The following LRP10 variants were observed in gnomAD, a reference collection of about 807,000 sequenced individuals.
The protein encoded by LRP10 is LDL receptor related protein 10.
LRP10 carries 42 observed loss-of-function variants against 58.5 expected under a neutral mutation model. The ratio of observed to expected loss-of-function variants is 0.72; its 90% CI spans 0.56 to 0.93. The LOEUF (loss-of-function observed/expected upper bound fraction) is 0.93, where lower values mean the gene tolerates loss of function less well. Ranked by LOEUF, LRP10 falls within the 40% of genes least tolerant of loss-of-function variation. The pLI is 0.00. For missense variants in LRP10, 872 were observed against 940.1 expected (o/e 0.93, Z 0.95); for synonymous variants, 377 against 388.5 (o/e 0.97, Z 0.35).
At chr14:22,874,755 C>T (rs113324584) in intron 3 of LRP10, among the ~76,000 whole-genome samples, 6,605 of 152,170 alleles carry the variant, frequency 0.043, 218 homozygotes, top group Non-Finnish European at 0.069. Flanking sequence ...GGTGTGGTGG[C>T]GGGCACCTGT....
At chr14:22,873,688 C>T (rs546691618) in intron 3 of LRP10, among the ~76,000 whole-genome samples, 3 of 152,226 alleles carry the variant, frequency 2.0e-5, no homozygotes, top group Admixed American at 6.5e-5. Flanking sequence ...CCATGCCCAG[C>T]TAACTTTTTT....
At chr14:22,873,115 G>A in intron 2 of LRP10, 196 bp from the exon 3 acceptor site, 1 of 647,434 alleles carries the variant, frequency 1.5e-6, no homozygotes, top group Non-Finnish European at 2.6e-6. Flanking sequence ...GTATTTACTG[G>A]TGAAGCTATG....
At position 22,876,113 on chromosome 14, in the gene LRP10, G is replaced by A. The variant is rs754181235; in HGVS notation, c.1165G>A (p.Asp389Asn). ...DRCNYQTFCA[D>N]GADERRCRHC... ...CTGCAACTACCAGACTTTCTGTGCT[G>A]ATGGAGCAGATGAGAGACGCTGTCG... The change falls in exon 5 of 7, where the codon GAT becomes AAT. Residue 389 changes from aspartate to asparagine, a missense_variant. Physicochemically the swap from Asp to Asn is conservative, Grantham distance 23. Coordinates refer to ENST00000359591, the MANE Select transcript of LRP10 (RefSeq NM_014045.5). The A allele has an allele frequency of 1.7e-4, 279 of 1,614,092 alleles. No homozygotes were observed. The highest frequency in any genetic ancestry group is 2.2e-4 in the Non-Finnish European group (254 of 1,180,058).
Position 22,878,852 on chromosome 14 carries a change from G to A in LRP10, c.*1325G>A, listed in dbSNP as rs1388902768. The A allele has an allele frequency of 4.3e-5, 10 of 232,302 alleles. No individual in the cohort carries two copies. The East Asian group carries it at 9.3e-4, about 22-fold the overall frequency. The allele number at this position is 232,302 out of a possible 1,614,324, so 14.4% of individuals were successfully genotyped here. ...GGGTGATGGAGGGAATGATTCGCAA[G>A]CAGTGTTGGAACCCAGCCCCTAGTG... On this transcript the variant is annotated 3_prime_UTR_variant, in exon 7 of 7. Coordinates refer to ENST00000359591, the MANE Select transcript of LRP10 (RefSeq NM_014045.5).
At chr14:22,872,629 T>G (rs1566491302) in intron 1 of LRP10, 109 bp from the exon 2 acceptor site, 4 of 1,103,362 alleles carry the variant, frequency 3.6e-6, no homozygotes, top group Non-Finnish European at 2.7e-6. Context: ...CACTCCCTCT[T>G]CCGATTAACT....
intron 3 of LRP10, among the ~76,000 whole-genome samples, 171 bp downstream of exon 3, chr14:22,873,617 C>T (rs564952555): frequency 6.6e-6 from 1 of 151,978 alleles, no homozygotes; most frequent in Non-Finnish European, 1.5e-5. Context: ...CACCACCTCC[C>T]GGGTTCAAGT....
chr14:22,875,091 C>T lies in LRP10; in HGVS notation c.252C>T (p.Arg84=). 1 of 1,607,138 alleles carries T rather than the reference C, an allele frequency of 6.2e-7. No homozygotes were observed. Among genetic ancestry groups the T allele is most frequent in the Non-Finnish European group, 8.5e-7 (1 of 1,176,478 alleles). ...TACACCTGGCCTGTGGCTCAGAGCGCTTAACCCTACGCTCCCCTCTCCAGC... is the reference window on the plus strand; with the variant it reads ...TACACCTGGCCTGTGGCTCAGAGCGTTTAACCCTACGCTCCCCTCTCCAGC... ...QKLHLACGSE[R]LTLRSPLQPL... The change falls in exon 4 of 7, where the codon CGC becomes CGT. Residue 84 remains arginine (R), a synonymous_variant. Coordinates refer to ENST00000359591, the MANE Select transcript of LRP10 (RefSeq NM_014045.5).
At position 22,872,230 on chromosome 14, in the gene LRP10, G is replaced by A. The variant is rs369797465; in HGVS notation, c.-74G>A. On this transcript the variant is annotated 5_prime_UTR_variant, in exon 1 of 7. Coordinates refer to ENST00000359591, the MANE Select transcript of LRP10 (RefSeq NM_014045.5). The stretch of plus-strand genomic sequence containing the variant: ...GCGGCACCAGGGAGCCTGGGCGCCC[G>A]GGGCTCCGCCGCGACCCCATCGGGT... 1.9e-6 allele frequency: 3 copies of A among 1,546,322 alleles called. No individual in the cohort carries two copies. The highest frequency in any genetic ancestry group is 1.4e-5 in the African/African-American group (1 of 73,620).
rs995656534 is a variant in LRP10, at chr14:22,872,253, G to A, written c.-51G>A. The A allele has an allele frequency of 1.2e-6, 2 of 1,607,692 alleles. No homozygotes were observed. Among genetic ancestry groups the A allele is most frequent in the Non-Finnish European group, 1.7e-6 (2 of 1,174,446 alleles). ...CCGGGGCTCCGCCGCGACCCCATCG[G>A]GTAGACCACAGAAGCTCCGGGACCC... On this transcript the variant is annotated 5_prime_UTR_variant, in exon 1 of 7. Coordinates refer to ENST00000359591, the MANE Select transcript of LRP10 (RefSeq NM_014045.5).
In LRP10 at chr14:22,875,071, C is replaced by G. The variant is rs1459558791; in HGVS notation, c.232C>G (p.Leu78Val). 6.3e-7 allele frequency: 1 copy of G among 1,583,578 alleles called. No individual in the cohort carries two copies. Among genetic ancestry groups the G allele is most frequent in the Non-Finnish European group, 8.6e-7 (1 of 1,163,906 alleles). ...CTCCCATAGGTTCCAGAAGCTACAC[C>G]TGGCCTGTGGCTCAGAGCGCTTAAC... ...TVTIRFQKLH[L>V]ACGSERLTLR... The change falls in exon 4 of 7, where the codon CTG (leucine) becomes GTG (valine). Residue 78 changes from leucine to valine, a missense_variant. By Grantham distance (32) the Leu-to-Val change is conservative (BLOSUM62 1). Coordinates refer to ENST00000359591, the MANE Select transcript of LRP10 (RefSeq NM_014045.5).
chr14:22,881,077 G>C lies in LRP10; in HGVS notation c.*3550G>C, dbSNP rs2040056751. On this transcript the variant is annotated 3_prime_UTR_variant, in exon 7 of 7. Transcript: ENST00000359591. ...TGAAGTGAACCCACACAACAGGGCT[G>C]GGCCATGGGCATCATAAACCCCATT... is the stretch of plus-strand genomic sequence containing the variant. 1 of 152,228 alleles carries C rather than the reference G, an allele frequency of 6.6e-6. No individual in the cohort carries two copies. Among genetic ancestry groups the C allele is most frequent in the Non-Finnish European group, 1.5e-5 (1 of 68,052 alleles). The allele number at this position is 152,228 out of a possible 1,614,324, so 9.4% of individuals were successfully genotyped here. A position where few individuals can be genotyped will look rare whatever the true frequency, so the allele number is the denominator to read the frequency against.
chr14:22,878,641 G>A lies in LRP10; in HGVS notation c.*1114G>A, dbSNP rs1258041248. On this transcript the variant is annotated 3_prime_UTR_variant, in exon 7 of 7. Coordinates refer to ENST00000359591, the MANE Select transcript of LRP10 (RefSeq NM_014045.5). Reference sequence around the variant, plus strand: ...GCATCACCATGGCCAAATCCAAGAGGTCTTCCTGGAAGAGGGCCCAAACTG... The same window carrying A: ...GCATCACCATGGCCAAATCCAAGAGATCTTCCTGGAAGAGGGCCCAAACTG... 1 of 155,234 alleles carries A rather than the reference G, an allele frequency of 6.4e-6. No individual in the cohort carries two copies. Among genetic ancestry groups the A allele is most frequent in the Non-Finnish European group, 1.4e-5 (1 of 69,772 alleles). The allele number at this position is 155,234 out of a possible 1,614,324, so 9.6% of individuals were successfully genotyped here. A position where few individuals can be genotyped will look rare whatever the true frequency, so the allele number is the denominator to read the frequency against.
Position 22,877,653 on chromosome 14 carries a change from G to T in LRP10, c.*126G>T, listed in dbSNP as rs979425589. 24 of 708,410 alleles carry T rather than the reference G, an allele frequency of 3.4e-5. No homozygotes were observed. The South Asian group carries it at 4.3e-4, about 13-fold the overall frequency. The allele number at this position is 708,410 out of a possible 1,614,324, so 43.9% of individuals were successfully genotyped here. Reference sequence around the variant, plus strand: ...CCTGTCCCTGGATTTCAGGGACTTGGTGGGCCTCCCGTTGACCCTATGTAG... The same window carrying T: ...CCTGTCCCTGGATTTCAGGGACTTGTTGGGCCTCCCGTTGACCCTATGTAG... On this transcript the variant is annotated 3_prime_UTR_variant, in exon 7 of 7. Coordinates refer to ENST00000359591, the MANE Select transcript of LRP10 (RefSeq NM_014045.5). This position sits in a 1 kb window ranked among gnomAD's most constrained non-coding sequence, Gnocchi z 5.1.
intron 3 of LRP10, 77 bp from the exon 4 acceptor site, chr14:22,874,978 G>T: frequency 1.9e-6 from 2 of 1,057,958 alleles, no homozygotes; most frequent in Non-Finnish European, 2.6e-6. Context: ...GACACAAGGG[G>T]CCTGGTGGCA....
chr14:22,872,834 T>TC, intron 2 of LRP10, 52 bp downstream of exon 2: 1 of 1,567,642 alleles, frequency 6.4e-7, no homozygotes, highest in Non-Finnish European at 8.8e-7. Flanking sequence ...GAGGGAGCAG[T>TC]CGAGAAGGAC....
rs1357858511 is a variant in LRP10, at chr14:22,872,073, GCGGAC to G, written c.-230_-226del. On this transcript the variant is annotated 5_prime_UTR_variant, in exon 1 of 7. Coordinates refer to ENST00000359591, the MANE Select transcript of LRP10 (RefSeq NM_014045.5). ...GGCCCCGGGAGAGAAGAGTGCGGCG[GCGGAC>G]GGAGAAAACAACTCCAAAGTTGGCG... 5.1e-6 allele frequency: 3 copies of G among 590,414 alleles called. No individual in the cohort carries two copies. In the East Asian group the frequency reaches 8.6e-5, roughly 17 times the overall value. The allele number at this position is 590,414 out of a possible 1,614,324, so 36.6% of individuals were successfully genotyped here.
Position 22,877,524 on chromosome 14 carries a change from C to G in LRP10, c.2139C>G (p.Thr713=). ...AGGCAGAGGATGAGCCACTGCTTAC[C>G]TGAGGGGACCTGGGGGCTCTACTGA... ...VAEAEDEPLL[T] is the part of the protein sequence containing the mutation. Residue 713 remains threonine, a synonymous_variant, in exon 7 of 7, where the codon ACC becomes ACG. Transcript: ENST00000359591. This position sits in a 1 kb window ranked among gnomAD's most constrained non-coding sequence, Gnocchi z 5.1. The G allele has an allele frequency of 2.5e-6, 4 of 1,591,902 alleles. No individual in the cohort carries two copies. The highest frequency in any genetic ancestry group is 1.7e-4 in the Middle Eastern group (1 of 5,924).
At position 22,877,625 on chromosome 14, in the gene LRP10, T is replaced by G; in HGVS notation, c.*98T>G. The G allele has an allele frequency of 1.1e-6, 1 of 886,986 alleles. No individual in the cohort carries two copies. The highest frequency in any genetic ancestry group is 2.8e-5 in the East Asian group (1 of 36,224). The allele number at this position is 886,986 out of a possible 1,614,324, so 54.9% of individuals were successfully genotyped here. On this transcript the variant is annotated 3_prime_UTR_variant, in exon 7 of 7. Transcript: ENST00000359591. This position sits in a 1 kb window ranked among gnomAD's most constrained non-coding sequence, Gnocchi z 5.1. ...GGTCAGCCTCCCCTCCACCACTTCC[T>G]TCCCTGTCCCTGGATTTCAGGGACT...
At position 22,877,384 on chromosome 14, in the gene LRP10, G is replaced by C; in HGVS notation, c.1999G>C (p.Gly667Arg). Residue 667 changes from glycine (G) to arginine (R), a missense_variant, in exon 7 of 7, where the codon GGG (glycine) becomes CGG (arginine). Coordinates refer to ENST00000359591, the MANE Select transcript of LRP10 (RefSeq NM_014045.5). This position sits in a 1 kb window ranked among gnomAD's most constrained non-coding sequence, Gnocchi z 5.1. Reference protein sequence around the residue: ...ALRGRLLPSLGPPGPTRSPPG... With the variant: ...ALRGRLLPSLRPPGPTRSPPG... ...GCGAGGCCGCCTGTTGCCCAGCCTG[G>C]GGCCCCCAGGACCAACCCGGAGCCC... 6.2e-7 allele frequency: 1 copy of C among 1,613,748 alleles called. No homozygotes were observed. Among genetic ancestry groups the C allele is most frequent in the East Asian group, 2.2e-5 (1 of 44,882 alleles).
Sources: gnomAD v4.1 joint callset for allele counts (sites outside exome capture counted in the v4.1 genomes callset) on GRCh38, gnomAD v4.1.1 for gene constraint, Gnocchi (gnomAD v3.1) non-coding constraint, MANE v1.5 for transcripts, NCBI Gene and HGNC (gene_info 2026-07-23, HGNC 2026-07-21) for gene names.